The following MRPS27 variants were observed in gnomAD, a reference collection of about 807,000 sequenced individuals.
The protein encoded by MRPS27 is mitochondrial ribosomal protein S27.
A neutral mutation model predicts 48.9 loss-of-function variants in MRPS27; 43 were observed. That is an observed-to-expected ratio of 0.88 (90% CI 0.69 to 1.13). The LOEUF (loss-of-function observed/expected upper bound fraction) is 1.13, where lower values mean the gene tolerates loss of function less well. Among genes scored for constraint, MRPS27 ranks in the 50% most tolerant of loss-of-function variants. MRPS27 has a pLI of 0.00. For synonymous variants in MRPS27, 188 were observed against 171.9 expected (o/e 1.09, Z -0.73); for missense variants, 467 against 476.3 (o/e 0.98, Z 0.18).
chr5:72,299,217 T>C (rs1750065901), intron 2 of MRPS27, among the ~76,000 whole-genome samples: 1 of 150,672 alleles, frequency 6.6e-6, no homozygotes, highest in East Asian at 2.0e-4. Context: ...TGCCATGCAA[T>C]ATACCCATGT....
At chr5:72,300,853 A>G (rs1362211005) in intron 2 of MRPS27, among the ~76,000 whole-genome samples, 2 of 152,244 alleles carry the variant, frequency 1.3e-5, no homozygotes, top group African/African-American at 4.8e-5. Context: ...ATAAAAACCA[A>G]TAAATGCTAA....
intron 2 of MRPS27, among the ~76,000 whole-genome samples, chr5:72,307,131 ATCACGAGG>A (rs761197064): frequency 2.6e-5 from 4 of 152,172 alleles, no homozygotes; most frequent in Non-Finnish European, 5.9e-5. Context: ...AGGTGGGCGG[ATCACGAGG>A]TCACGAGTTC....
Position 72,234,207 on chromosome 5 carries a change from A to G in MRPS27, c.397-10T>C, listed in dbSNP as rs749450875. 16 of 1,475,796 alleles carry G rather than the reference A, an allele frequency of 1.1e-5. No individual in the cohort carries two copies. In the Admixed American group the frequency reaches 4.1e-4, roughly 38 times the overall value. 91.4% of individuals were successfully genotyped at this position (1,475,796 alleles called of 1,614,324 possible). A position where few individuals can be genotyped will look rare whatever the true frequency, so the allele number is the denominator to read the frequency against. On this transcript the variant is annotated splice_polypyrimidine_tract_variant and intron_variant, in intron 5 of 10. Coordinates refer to ENST00000261413, the MANE Select transcript of MRPS27 (RefSeq NM_015084.3). ...AAATTCCATATTGAACCTATAATGA[A>G]AATGAACATAACAGGAAAAAAAGAG...
intron 4 of MRPS27, among the ~76,000 whole-genome samples, chr5:72,239,933 C>T (rs1411387619): frequency 1.3e-5 from 2 of 152,132 alleles, no homozygotes; most frequent in Non-Finnish European, 2.9e-5. Flanking sequence ...TTTCTCTGAA[C>T]AATCTGAGAT....
At chr5:72,317,029 CAAA>C (rs1188354136) in intron 1 of MRPS27, among the ~76,000 whole-genome samples, 1 of 68,896 alleles carries the variant, frequency 1.5e-5, no homozygotes. Context: ...AACTCCGTCT[CAAA>C]AAAAAAAAAA....
rs1747689453 is a variant in MRPS27 at position 72,219,733 on chromosome 5, C to T, written c.*1176G>A. On this transcript the variant is annotated 3_prime_UTR_variant, in exon 11 of 11. Transcript: ENST00000261413. ...CTCTGATGCACTTCAAGCCCCAACC[C>T]ATCTCTCATTTTCTAACTTCTTTAA... The T allele has an allele frequency of 6.6e-6, 1 of 152,214 alleles. No individual in the cohort carries two copies. Among genetic ancestry groups the T allele is most frequent in the African/African-American group, 2.4e-5 (1 of 41,446 alleles). The allele number at this position is 152,214 out of a possible 1,614,324, so 9.4% of individuals were successfully genotyped here.
At chr5:72,243,434 A>C (rs1049295667) in intron 4 of MRPS27, among the ~76,000 whole-genome samples, 1 of 152,168 alleles carries the variant, frequency 6.6e-6, no homozygotes, top group Non-Finnish European at 1.5e-5. Flanking sequence ...AATAAAATCA[A>C]ATTTTGATGA....
At chr5:72,308,555 C>G (rs897202307) in intron 2 of MRPS27, among the ~76,000 whole-genome samples, 1 of 152,276 alleles carries the variant, frequency 6.6e-6, no homozygotes, top group Admixed American at 6.5e-5. Flanking sequence ...GCGTTCCACC[C>G]GCGGGGCGGC....
chr5:72,224,710 C>A (rs1047624266), intron 9 of MRPS27, among the ~76,000 whole-genome samples: 1 of 152,174 alleles, frequency 6.6e-6, no homozygotes, highest in African/African-American at 2.4e-5. Context: ...ACCAGAGATG[C>A]AGACATGAAA....
chr5:72,223,908 G>A, intron 9 of MRPS27, 58 bp from the exon 10 acceptor site: 3 of 1,566,888 alleles, frequency 1.9e-6, no homozygotes, highest in Non-Finnish European at 1.7e-6. Flanking sequence ...AGCACATGGT[G>A]AAGAAAGGCT....
intron 2 of MRPS27, among the ~76,000 whole-genome samples, chr5:72,307,282 G>A (rs1750297724): frequency 6.6e-6 from 1 of 152,176 alleles, no homozygotes; most frequent in Non-Finnish European, 1.5e-5. Flanking sequence ...AACCTGGGAG[G>A]AGGAGGTTTA....
intron 2 of MRPS27, among the ~76,000 whole-genome samples, chr5:72,298,283 C>G (rs1273793159): frequency 6.6e-6 from 1 of 152,148 alleles, no homozygotes; most frequent in Non-Finnish European, 1.5e-5. Flanking sequence ...AAAAAATGCT[C>G]AACATCACTA....
chr5:72,304,361 C>A (rs1750201451), intron 2 of MRPS27, among the ~76,000 whole-genome samples: 1 of 151,968 alleles, frequency 6.6e-6, no homozygotes, highest in South Asian at 2.1e-4. Flanking sequence ...TATTGGTAAT[C>A]ATGAAATGAT....
chr5:72,296,690 G>A (rs1354569405), intron 3 of MRPS27, among the ~76,000 whole-genome samples: 4 of 152,048 alleles, frequency 2.6e-5, no homozygotes, highest in East Asian at 1.9e-4. Context: ...TGTAACTTAC[G>A]AACAGTAAAA....
intron 10 of MRPS27, among the ~76,000 whole-genome samples, 157 bp from the exon 11 acceptor site, chr5:72,221,305 C>T (rs961538364): frequency 1.3e-5 from 2 of 152,156 alleles, no homozygotes; most frequent in Admixed American, 6.5e-5. Flanking sequence ...AATGAAGTCA[C>T]CTGCAAAATA....
intron 6 of MRPS27, among the ~76,000 whole-genome samples, chr5:72,233,523 A>G (rs934288882): frequency 2.0e-5 from 3 of 152,142 alleles, no homozygotes; most frequent in African/African-American, 7.2e-5. Context: ...ATAAAATAGC[A>G]CTGATTTGCA....
chr5:72,295,731 C>G (rs1364366941), intron 3 of MRPS27, 142 bp from the exon 4 acceptor site: 1 of 622,520 alleles, frequency 1.6e-6, no homozygotes, highest in Non-Finnish European at 2.8e-6. Context: ...GAACAATGTT[C>G]ACGTGGTATG....
At chr5:72,291,854 G>C (rs1749828160) in intron 4 of MRPS27, among the ~76,000 whole-genome samples, 1 of 152,192 alleles carries the variant, frequency 6.6e-6, no homozygotes, top group Non-Finnish European at 1.5e-5. Context: ...CCACGCCCTA[G>C]AGGGCCTATA....
At chr5:72,246,461 G>A (rs1748515559) in intron 4 of MRPS27, among the ~76,000 whole-genome samples, 1 of 152,192 alleles carries the variant, frequency 6.6e-6, no homozygotes, top group Non-Finnish European at 1.5e-5. Context: ...AAGCTGCTAG[G>A]AGAGTGAAGC....
Sources: allele counts gnomAD v4.1 joint callset (sites outside exome capture counted in the v4.1 genomes callset), GRCh38; gene constraint gnomAD v4.1.1; transcripts MANE v1.5; gene names NCBI Gene and HGNC (gene_info 2026-07-23, HGNC 2026-07-21).